Variants in CORO6 observed in about 807,000 individuals in gnomAD.
The protein encoded by CORO6 is coronin 6, also known as coronin-6.
A neutral mutation model predicts 49.0 loss-of-function variants in CORO6; 43 were observed. That is an observed-to-expected ratio of 0.88 (90% CI 0.69 to 1.13). The LOEUF is 1.13. Ranked by LOEUF, CORO6 falls within the 50% of genes most tolerant of loss-of-function variation. The pLI is 0.00. For missense variants in CORO6, 650 were observed against 647.0 expected, an observed-to-expected ratio of 1.00 and a Z score of -0.05; for synonymous variants, 233 against 256.5, an observed-to-expected ratio of 0.91 and a Z score of 0.88.
rs1291813747 is a variant in CORO6 at position 29,616,531 on chromosome 17, T to C, written c.1004+171A>G. On this transcript the variant is annotated intron_variant, in intron 8 of 10. Coordinates refer to ENST00000388767, the MANE Select transcript of CORO6 (RefSeq NM_032854.4). This position sits in a 1 kb window ranked among gnomAD's most constrained non-coding sequence, Gnocchi z 5.6. ...CATCTTATAGATGAGGAAACTGAAG[T>C]TGAGAATGTAAGGCTAGTGAGCGGT... is the stretch of plus-strand genomic sequence containing the variant. Among the ~76,000 whole-genome samples, 1 of 152,018 alleles carries C rather than the reference T, an allele frequency of 6.6e-6. No homozygotes were observed. The highest frequency in any genetic ancestry group is 1.5e-5 in the Non-Finnish European group (1 of 67,978).
chr17:29,615,552 G>A lies in CORO6; in HGVS notation c.*180C>T. On this transcript the variant is annotated 3_prime_UTR_variant, in exon 11 of 11. Coordinates refer to ENST00000388767, the MANE Select transcript of CORO6 (RefSeq NM_032854.4). Reference sequence around the variant, plus strand: ...GAGGCTCGCAGTCCAGCCTCCGCTGGAGCGACGTGGGTCTCCCCTAAGCTC... The same window carrying A: ...GAGGCTCGCAGTCCAGCCTCCGCTGAAGCGACGTGGGTCTCCCCTAAGCTC... The A allele has an allele frequency of 1.5e-6, 1 of 645,838 alleles. No homozygotes were observed. 40.0% of individuals were successfully genotyped at this position (645,838 alleles called of 1,614,324 possible). A position where few individuals can be genotyped will look rare whatever the true frequency, so the allele number is the denominator to read the frequency against.
rs1162172240 is a variant in CORO6, at chr17:29,615,950, A to G, written c.1288T>C (p.Leu430=). ...TGCAGCAGGGCCGATCTTACCGACA[A>G]GGGGGCGTCGCTGGCCGACTGGCTG... ...RRSQSASDAP[L]SQQHTLETLL... is the part of the protein sequence containing the mutation. The change falls in exon 10 of 11, where the codon TTG becomes CTG. Residue 430 remains leucine, a synonymous_variant. Transcript: ENST00000388767. 2 of 1,569,684 alleles carry G rather than the reference A, an allele frequency of 1.3e-6. No individual in the cohort carries two copies. The highest frequency in any genetic ancestry group is 1.7e-6 in the Non-Finnish European group (2 of 1,159,296).
chr17:29,621,438 G>A lies in CORO6; in HGVS notation c.-17C>T, dbSNP rs941548598. On this transcript the variant is annotated 5_prime_UTR_variant, in exon 2 of 11. Transcript: ENST00000388767. The surrounding 1 kb of genome is among the most constrained non-coding windows in gnomAD (Gnocchi z 4.2). ...TCTGCTCATAGCTGCAGGCAGAGAG[G>A]TAGGATCTCAGTGCCCAGAAATGCC... 6.3e-7 allele frequency: 1 copy of A among 1,589,130 alleles called. No individual in the cohort carries two copies. Among genetic ancestry groups the A allele is most frequent in the Non-Finnish European group, 8.6e-7 (1 of 1,166,932 alleles).
In CORO6 at chr17:29,622,877, C is replaced by T. The variant is rs1399012994; in HGVS notation, c.-253G>A. 5 of 1,290,804 alleles carry T rather than the reference C, an allele frequency of 3.9e-6. No homozygotes were observed. The South Asian group carries it at 5.0e-5, about 13-fold the overall frequency. The allele number at this position is 1,290,804 out of a possible 1,614,324, so 80.0% of individuals were successfully genotyped here. A position where few individuals can be genotyped will look rare whatever the true frequency, so the allele number is the denominator to read the frequency against. The stretch of plus-strand genomic sequence containing the variant: ...GGCTCTCTAGAGCCCGGCGCCGCTG[C>T]AGCCCCAGCTGCCGCTGCCATCAAC... On this transcript the variant is annotated 5_prime_UTR_variant, in exon 1 of 11. Coordinates refer to ENST00000388767, the MANE Select transcript of CORO6 (RefSeq NM_032854.4).
At chr17:29,618,456 A>C (rs2035123259) in intron 5 of CORO6, 2 of 1,269,866 alleles carry the variant, frequency 1.6e-6, no homozygotes, top group East Asian at 6.4e-5. Flanking sequence ...CTGAGAGGAG[A>C]GGGGTCCAGG....
intron 5 of CORO6, 137 bp from the exon 6 acceptor site, chr17:29,617,756 A>T (rs2035060891): frequency 1.1e-5 from 11 of 958,544 alleles, no homozygotes; most frequent in Non-Finnish European, 1.7e-5. Flanking sequence ...ATGGGGCCTA[A>T]GCACTCAGCT....
chr17:29,618,280 C>T (rs2035110165), intron 5 of CORO6: 1 of 1,304,206 alleles, frequency 7.7e-7, no homozygotes, highest in Non-Finnish European at 9.7e-7. Context: ...CCAGGTTAGA[C>T]TTGAGGCTGG....
At chr17:29,620,508 T>C (rs922417177) in intron 2 of CORO6, among the ~76,000 whole-genome samples, 3 of 152,164 alleles carry the variant, frequency 2.0e-5, no homozygotes, top group African/African-American at 7.2e-5. Flanking sequence ...TTCAGGCCTC[T>C]TCCTGACCCC....
intron 5 of CORO6, chr17:29,617,937 G>A: frequency 1.0e-6 from 1 of 952,840 alleles, no homozygotes; most frequent in Non-Finnish European, 1.5e-6. Flanking sequence ...TTCCCGAATG[G>A]GAGCTCCCCG....
chr17:29,615,743 C>T lies in CORO6; in HGVS notation c.1408G>A (p.Gly470Ser), dbSNP rs372595207. The part of the protein sequence containing the change: ...LENMLCELVD[G>S]TD ...CCTGGCGCGCGGGGCTAGTCCGTGC[C>T]GTCCACCAGCTCGCACAGCATGTTC... is the stretch of plus-strand genomic sequence containing the variant. Residue 470 changes from glycine to serine, a missense_variant, in exon 11 of 11, where the codon GGC becomes AGC. Physicochemically the swap from Gly to Ser is moderately conservative, Grantham distance 56. Transcript: ENST00000388767. 5.8e-6 allele frequency: 9 copies of T among 1,545,718 alleles called. No individual in the cohort carries two copies. Among genetic ancestry groups the T allele is most frequent in the Admixed American group, 4.0e-5 (2 of 50,464 alleles).
At chr17:29,619,816 G>A in intron 2 of CORO6, 43 bp from the exon 3 acceptor site, 1 of 1,583,216 alleles carries the variant, frequency 6.3e-7, no homozygotes, top group Middle Eastern at 1.7e-4. Context: ...TCTCCTGTGT[G>A]TTTTTTGGGG....
rs2035111177 is a variant in CORO6 at position 29,618,296 on chromosome 17, C to G, written c.633+494G>C. Reference sequence around the variant, plus strand: ...CAGGTTAGACTTGAGGCTGGCGAGGCCAGGGCCGCCGCCCTCCCAGGGCAT... The same window carrying G: ...CAGGTTAGACTTGAGGCTGGCGAGGGCAGGGCCGCCGCCCTCCCAGGGCAT... On this transcript the variant is annotated intron_variant, in intron 5 of 10. Coordinates refer to ENST00000388767, the MANE Select transcript of CORO6 (RefSeq NM_032854.4). 2.4e-5 allele frequency: 31 copies of G among 1,295,644 alleles called. No individual in the cohort carries two copies. The South Asian group carries it at 7.5e-4, about 32-fold the overall frequency. 80.3% of individuals were successfully genotyped at this position (1,295,644 alleles called of 1,614,324 possible). A position where few individuals can be genotyped will look rare whatever the true frequency, so the allele number is the denominator to read the frequency against.
At chr17:29,618,372 G>T in intron 5 of CORO6, 2 of 1,286,172 alleles carry the variant, frequency 1.6e-6, no homozygotes, top group Admixed American at 3.8e-5. Context: ...CGCCCAGCGG[G>T]TCCACAAGGA....
At position 29,621,175 on chromosome 17, in the gene CORO6, G is replaced by A; in HGVS notation, c.198+49C>T. The A allele has an allele frequency of 1.2e-6, 2 of 1,609,774 alleles. No homozygotes were observed. The highest frequency in any genetic ancestry group is 1.1e-5 in the South Asian group (1 of 90,804). The stretch of plus-strand genomic sequence containing the variant: ...AGAACAAAGGCTCAGGAGTTCCCAG[G>A]GGCCCCAGCTAGTGTCCTCCCACTT... On this transcript the variant is annotated intron_variant, in intron 2 of 10. Transcript: ENST00000388767. This position sits in a 1 kb window ranked among gnomAD's most constrained non-coding sequence, Gnocchi z 4.2.
Position 29,616,633 on chromosome 17 carries a change from G to T in CORO6, c.1004+69C>A. 6.3e-7 allele frequency: 1 copy of T among 1,579,452 alleles called. No homozygotes were observed. Among genetic ancestry groups the T allele is most frequent in the South Asian group, 1.1e-5 (1 of 88,530 alleles). On this transcript the variant is annotated intron_variant, in intron 8 of 10. Coordinates refer to ENST00000388767, the MANE Select transcript of CORO6 (RefSeq NM_032854.4). This position sits in a 1 kb window ranked among gnomAD's most constrained non-coding sequence, Gnocchi z 5.6. ...AGCACTGCATTACTGGGGAAGCCCCGTGGCTAGGACCCGACATGAGTGGGG... is the reference window on the plus strand; with the variant it reads ...AGCACTGCATTACTGGGGAAGCCCCTTGGCTAGGACCCGACATGAGTGGGG...
chr17:29,619,095 C>A lies in CORO6; in HGVS notation c.416G>T (p.Trp139Leu), dbSNP rs933223222. 6.2e-7 allele frequency: 1 copy of A among 1,613,692 alleles called. No homozygotes were observed. The highest frequency in any genetic ancestry group is 8.5e-7 in the Non-Finnish European group (1 of 1,179,898). The change falls in exon 4 of 11, where the codon TGG (tryptophan) becomes TTG (leucine). Residue 139 changes from tryptophan (W) to leucine (L), a missense_variant. By Grantham distance (61) the Trp-to-Leu change is moderately conservative (BLOSUM62 -2). Transcript: ENST00000388767. ...CAGGACATTCCTGGCAGTAGGGTGCCAGGAGAGGATGCCCACACGCTTGGA... is the reference window on the plus strand; with the variant it reads ...CAGGACATTCCTGGCAGTAGGGTGCAAGGAGAGGATGCCCACACGCTTGGA... ...GHSKRVGILS[W>L]HPTARNVLLS...
At chr17:29,617,787 C>A in intron 5 of CORO6, 168 bp from the exon 6 acceptor site, 2 of 794,308 alleles carry the variant, frequency 2.5e-6, no homozygotes, top group Non-Finnish European at 3.9e-6. Flanking sequence ...CCACGTCTGG[C>A]CCCTGACCTG....
At chr17:29,617,731 G>T in intron 5 of CORO6, 112 bp from the exon 6 acceptor site, 1 of 1,187,408 alleles carries the variant, frequency 8.4e-7, no homozygotes, top group East Asian at 2.6e-5. Flanking sequence ...AGGAGCGGAT[G>T]CGGGGAAGAG....
chr17:29,621,281 C>A lies in CORO6; in HGVS notation c.141G>T (p.Leu47=). The change falls in exon 2 of 11, where the codon CTG becomes CTT. Residue 47 remains leucine, a synonymous_variant. Transcript: ENST00000388767. This position sits in a 1 kb window ranked among gnomAD's most constrained non-coding sequence, Gnocchi z 4.2. The part of the protein sequence containing the change: ...SSFCAVNPKF[L]AIIVEAGGGG... ...CGCCTCCAGCCTCCACAATAATGGC[C>A]AGGAATTTGGGGTTGACGGCACAGA... is the stretch of plus-strand genomic sequence containing the variant. 1 of 1,614,120 alleles carries A rather than the reference C, an allele frequency of 6.2e-7. No individual in the cohort carries two copies. Among genetic ancestry groups the A allele is most frequent in the Non-Finnish European group, 8.5e-7 (1 of 1,180,022 alleles).
Sources: allele counts gnomAD v4.1 joint callset (sites outside exome capture counted in the v4.1 genomes callset), GRCh38; gene constraint gnomAD v4.1.1; non-coding constraint Gnocchi (gnomAD v3.1); transcripts MANE v1.5; gene names NCBI Gene and HGNC (gene_info 2026-07-23, HGNC 2026-07-21).